OCA2: variants seen among roughly 807,000 people sequenced by gnomAD.
OCA2 encodes OCA2 melanosomal transmembrane protein, also known as P protein.
In OCA2, 77 loss-of-function variants were observed where a neutral mutation model predicts 100.2. The ratio of observed to expected loss-of-function variants is 0.77; its 90% confidence interval spans 0.64 to 0.93. The LOEUF (loss-of-function observed/expected upper bound fraction) is 0.93. OCA2 is among the 40% of genes least tolerant of loss of function. The pLI is 0.00. For missense variants in OCA2, 1,062 were observed against 1,089.1 expected, an observed-to-expected ratio of 0.98 and a Z score of 0.35; for synonymous variants, 432 against 439.2, an observed-to-expected ratio of 0.98 and a Z score of 0.21.
intron 23 of OCA2, among the ~76,000 whole-genome samples, chr15:27,818,954 G>A (rs763265019): frequency 2.0e-5 from 3 of 152,164 alleles, no homozygotes; most frequent in South Asian, 2.1e-4. Context: ...GGTAGGCTTC[G>A]GCTCATGCTG....
the OCA2 span, among the ~76,000 whole-genome samples, chr15:27,741,636 C>G: frequency 6.6e-6 from 1 of 152,100 alleles, no homozygotes; most frequent in Non-Finnish European, 1.5e-5. Flanking sequence ...CTGTGCCTGG[C>G]CTTATCCCAG....
chr15:27,738,606 G>A, the OCA2 span, among the ~76,000 whole-genome samples: 1 of 151,964 alleles, frequency 6.6e-6, no homozygotes, highest in Non-Finnish European at 1.5e-5. Context: ...ATGGTGGTGG[G>A]CGCCTGTAGT....
In OCA2 at chr15:27,910,562, T is replaced by G. The variant is rs552081881; in HGVS notation, c.2079+15565A>C. Among the ~76,000 whole-genome samples, 8 of 152,114 alleles carry G rather than the reference T, an allele frequency of 5.3e-5. No individual in the cohort carries two copies. The South Asian group carries it at 1.7e-3, about 32-fold the overall frequency. ...TTTCCAAGACATAACATTAAGCTTA[T>G]AAAAAGCAAAATGTGAAAGATTATC... On this transcript the variant is annotated intron_variant, in intron 19 of 23. Transcript: ENST00000354638.
chr15:28,093,883 C>T (rs76226030), intron 1 of OCA2, among the ~76,000 whole-genome samples: 4,285 of 152,274 alleles, frequency 0.028, 99 homozygotes, highest in Middle Eastern at 0.12. Flanking sequence ...ATTCTTGAAA[C>T]GGCAAAGTTA....
At chr15:27,938,941 G>A (rs771463490) in intron 18 of OCA2, among the ~76,000 whole-genome samples, 6 of 152,166 alleles carry the variant, frequency 3.9e-5, no homozygotes, top group African/African-American at 1.2e-4. Flanking sequence ...TGCCGTGATG[G>A]ACCTGTGACG....
intron 23 of OCA2, among the ~76,000 whole-genome samples, chr15:27,836,879 G>T (rs1232882224): frequency 6.6e-6 from 1 of 152,074 alleles, no homozygotes; most frequent in African/African-American, 2.4e-5. Flanking sequence ...TTAACTTGAT[G>T]TTTTTAAAGC....
rs774460527 is a variant in OCA2 at position 28,018,407 on chromosome 15, C to G, written c.797G>C (p.Arg266Pro). 6.2e-7 allele frequency: 1 copy of G among 1,613,942 alleles called. No individual in the cohort carries two copies. The highest frequency in any genetic ancestry group is 8.5e-7 in the Non-Finnish European group (1 of 1,179,926). The change falls in exon 7 of 24, where the codon CGG (arginine) becomes CCG (proline). Residue 266 changes from arginine to proline, a missense_variant. Arg to Pro is a moderately radical substitution (Grantham distance 103, BLOSUM62 -2). Coordinates refer to ENST00000354638, the MANE Select transcript of OCA2 (RefSeq NM_000275.3). ...AATTATCAGCATAACCTGCTGTGGC[C>G]GCCGCCACCTGGAGCCCAAAGCGTC... is the stretch of plus-strand genomic sequence containing the variant. ...QADALGSRWR[R>P]PQQVTHNWTV...
chr15:27,989,778 G>A, intron 10 of OCA2, 112 bp from the exon 11 acceptor site: 1 of 917,124 alleles, frequency 1.1e-6, no homozygotes. Flanking sequence ...GGCCAGGGTT[G>A]GAAATCTCAC....
intron 18 of OCA2, among the ~76,000 whole-genome samples, chr15:27,943,957 G>A (rs2140521349): frequency 6.6e-6 from 1 of 152,248 alleles, no homozygotes; most frequent in Non-Finnish European, 1.5e-5. Flanking sequence ...CAACCACCTT[G>A]GGTACATGTT....
intron 23 of OCA2, among the ~76,000 whole-genome samples, chr15:27,822,545 A>G (rs2034546463): frequency 6.6e-6 from 1 of 152,116 alleles, no homozygotes; most frequent in African/African-American, 2.4e-5. Flanking sequence ...TCATGTCCTT[A>G]CCAATGTTTG....
chr15:28,056,806 T>C (rs929992604), intron 2 of OCA2, among the ~76,000 whole-genome samples: 2 of 152,216 alleles, frequency 1.3e-5, no homozygotes, highest in Admixed American at 6.5e-5. Context: ...CCACACTATA[T>C]GAATATTCAG....
At chr15:27,909,604 G>A (rs2038308415) in intron 19 of OCA2, among the ~76,000 whole-genome samples, 1 of 152,134 alleles carries the variant, frequency 6.6e-6, no homozygotes, top group East Asian at 1.9e-4. Flanking sequence ...AAGGACATAT[G>A]AAAAGCTAAT....
At chr15:27,722,388 G>A in the OCA2 span, among the ~76,000 whole-genome samples, 10 of 152,308 alleles carry the variant, frequency 6.6e-5, no homozygotes, top group South Asian at 1.7e-3. Flanking sequence ...ATGCCAGATC[G>A]CCTTTTCCTT....
chr15:27,768,526 C>A (rs1391144674), intron 23 of OCA2, among the ~76,000 whole-genome samples: 2 of 152,156 alleles, frequency 1.3e-5, no homozygotes, highest in African/African-American at 4.8e-5. Flanking sequence ...AATGTAAATT[C>A]TCGGTAACAA....
chr15:27,818,991 C>T (rs918543719), intron 23 of OCA2, among the ~76,000 whole-genome samples: 7 of 152,170 alleles, frequency 4.6e-5, no homozygotes, highest in African/African-American at 1.7e-4. Context: ...GAACAAAGTC[C>T]TGAGGCTCAT....
chr15:27,855,504 C>T (rs2035917461), intron 21 of OCA2, among the ~76,000 whole-genome samples: 1 of 152,240 alleles, frequency 6.6e-6, no homozygotes, highest in South Asian at 2.1e-4. Context: ...CCATAAGAGG[C>T]TTGGGCATCT....
chr15:28,032,650 C>T (rs1257731948), intron 2 of OCA2, among the ~76,000 whole-genome samples: 1 of 151,340 alleles, frequency 6.6e-6, no homozygotes. Context: ...AAAATTTAGC[C>T]AGGCATAGTG....
the OCA2 span, among the ~76,000 whole-genome samples, chr15:27,744,868 T>C: frequency 6.6e-6 from 1 of 152,160 alleles, no homozygotes; most frequent in African/African-American, 2.4e-5. Context: ...GAGTCAGACA[T>C]GTCTCATGAT....
rs893907105 is a variant in OCA2, at chr15:27,989,502, G to A, written c.1182+99C>T. 6.4e-6 allele frequency: 6 copies of A among 941,728 alleles called. No individual in the cohort carries two copies. In the African/African-American group the frequency reaches 9.7e-5, roughly 15 times the overall value. 58.3% of individuals were successfully genotyped at this position (941,728 alleles called of 1,614,324 possible). Reference sequence around the variant, plus strand: ...ACTTCTCAGTCAAGCCCTAGGCGCTGTGTCTTTAACATAATGAAGGACCCT... The same window carrying A: ...ACTTCTCAGTCAAGCCCTAGGCGCTATGTCTTTAACATAATGAAGGACCCT... On this transcript the variant is annotated intron_variant, in intron 11 of 23. Coordinates refer to ENST00000354638, the MANE Select transcript of OCA2 (RefSeq NM_000275.3).
Sources: allele counts gnomAD v4.1 joint callset (sites outside exome capture counted in the v4.1 genomes callset), GRCh38; gene constraint gnomAD v4.1.1; transcripts MANE v1.5; gene names NCBI Gene and HGNC (gene_info 2026-07-23, HGNC 2026-07-21).